MTRF1L: variants seen among roughly 807,000 people sequenced by gnomAD.
MTRF1L encodes peptide chain release factor 1-like, mitochondrial.
In MTRF1L, 29 loss-of-function variants were observed where a neutral mutation model predicts 40.0. The observed-to-expected ratio is 0.73, with a 90% CI of 0.54 to 0.99. The LOEUF (loss-of-function observed/expected upper bound fraction) is 0.99. Among genes scored for constraint, MTRF1L ranks in the 50% least tolerant of loss-of-function variants. MTRF1L has a pLI of 0.00. For synonymous variants in MTRF1L, 150 were observed against 175.8 expected (o/e 0.85, Z 1.16); for missense variants, 412 against 464.5 (o/e 0.89, Z 1.04).
At chr6:152,997,588 T>C (rs979811160) in intron 2 of MTRF1L, among the ~76,000 whole-genome samples, 2 of 152,088 alleles carry the variant, frequency 1.3e-5, no homozygotes, top group African/African-American at 4.8e-5. Context: ...GCAGACTGGC[T>C]AGGGGCAAAA....
chr6:152,995,087 A>G (rs1340530473), intron 3 of MTRF1L, 49 bp downstream of exon 3: 8 of 1,492,220 alleles, frequency 5.4e-6, no homozygotes, highest in Admixed American at 2.2e-5. Flanking sequence ...GGTCTTTCCA[A>G]CTCTTTTCCT....
rs34463753 is a variant in MTRF1L at position 152,991,175 on chromosome 6, CTT to C, written c.942+8_942+9del. On this transcript the variant is annotated splice_region_variant and intron_variant, in intron 6 of 6. Coordinates refer to ENST00000367233, the MANE Select transcript of MTRF1L (RefSeq NM_019041.7). ...ATCCTTTAAAAGCATTTTTAAAATT[CTT>C]TTTTTACCTGAATTTTTCTAGCATT... is the stretch of plus-strand genomic sequence containing the variant. 3 of 1,136,236 alleles carry C rather than the reference CTT, an allele frequency of 2.6e-6. No homozygotes were observed. In the South Asian group the frequency reaches 6.1e-5, roughly 23 times the overall value. 70.4% of individuals were successfully genotyped at this position (1,136,236 alleles called of 1,614,324 possible). A position where few individuals can be genotyped will look rare whatever the true frequency, so the allele number is the denominator to read the frequency against.
intron 1 of MTRF1L, among the ~76,000 whole-genome samples, chr6:152,999,372 G>A (rs993387222): frequency 4.6e-5 from 7 of 152,136 alleles, no homozygotes. Flanking sequence ...CAGTTTGTAT[G>A]CTTATCTATT....
chr6:152,994,545 T>C lies in MTRF1L; in HGVS notation c.655A>G (p.Met219Val). The C allele has an allele frequency of 2.5e-6, 4 of 1,612,012 alleles. No homozygotes were observed. Among genetic ancestry groups the C allele is most frequent in the Non-Finnish European group, 3.4e-6 (4 of 1,179,828 alleles). Residue 219 changes from methionine (M) to valine (V), a missense_variant, in exon 4 of 7, where the codon ATG becomes GTG. Transcript: ENST00000367233. The stretch of plus-strand genomic sequence containing the variant: ...GGCTGGGGTAATATTGCTACAGTCA[T>C]GGTGCTAGTATGGACGCGGCCTTGC... ...EKQGRVHTSTMTVAILPQPTE... is the reference protein window; with the variant it reads ...EKQGRVHTSTVTVAILPQPTE...
chr6:153,002,292 C>T (rs1467609821), intron 1 of MTRF1L, 135 bp downstream of exon 1: 2 of 1,339,068 alleles, frequency 1.5e-6, no homozygotes, highest in African/African-American at 1.5e-5. Flanking sequence ...GTAATGATGT[C>T]CTGACCTCTG....
At position 153,002,612 on chromosome 6, in the gene MTRF1L, G is replaced by A. The variant is rs977058410; in HGVS notation, c.74C>T (p.Pro25Leu). ...CAGCGGCGGGCTACCGGAGCTCAGG[G>A]GCCGGCGGGCTGGGCCAACGGCCCG... ...PRRAVGPARRPLSSGSPPLEE... is the reference protein window; with the variant it reads ...PRRAVGPARRLLSSGSPPLEE... Residue 25 changes from proline (P) to leucine (L), a missense_variant, in exon 1 of 7, where the codon CCC (proline) becomes CTC (leucine). By Grantham distance (98) the Pro-to-Leu change is moderately conservative. Coordinates refer to ENST00000367233, the MANE Select transcript of MTRF1L (RefSeq NM_019041.7). The A allele has an allele frequency of 6.5e-7, 1 of 1,542,310 alleles. No homozygotes were observed. The highest frequency in any genetic ancestry group is 1.4e-5 in the African/African-American group (1 of 72,672).
intron 2 of MTRF1L, among the ~76,000 whole-genome samples, chr6:152,996,357 T>C (rs60862680): frequency 0.32 from 48,589 of 151,998 alleles, 8,083 homozygotes; most frequent in African/African-American, 0.42. Context: ...ATAATGGATT[T>C]TACTTCTGTT....
rs1248966098 is a variant in MTRF1L at position 152,989,394 on chromosome 6, TG to T, written c.*500del. 2 of 104,354 alleles carry T rather than the reference TG, an allele frequency of 1.9e-5. No homozygotes were observed. The highest frequency in any genetic ancestry group is 3.7e-5 in the Non-Finnish European group (2 of 54,020). The allele number at this position is 104,354 out of a possible 1,614,324, so 6.5% of individuals were successfully genotyped here. A position where few individuals can be genotyped will look rare whatever the true frequency, so the allele number is the denominator to read the frequency against. ...TATTTACACAGAACAGGACAAAGGA[TG>T]ATTTTCCTTTGTCTAGTTATTGTAA... On this transcript the variant is annotated 3_prime_UTR_variant, in exon 7 of 7. Transcript: ENST00000367233.
chr6:153,002,263 G>C (rs892192475), intron 1 of MTRF1L, among the ~76,000 whole-genome samples, 164 bp downstream of exon 1: 1 of 152,228 alleles, frequency 6.6e-6, no homozygotes, highest in African/African-American at 2.4e-5. Flanking sequence ...GCCCACAGGA[G>C]AGGATGGGAT....
chr6:152,994,426 C>T (rs3799136), intron 4 of MTRF1L, 87 bp downstream of exon 4: 13,580 of 1,338,198 alleles, frequency 0.01, 496 homozygotes, highest in South Asian at 0.09. Context: ...CAAATAGATA[C>T]TCAATTCAGT....
Sources: allele counts gnomAD v4.1 joint callset (sites outside exome capture counted in the v4.1 genomes callset), GRCh38; gene constraint gnomAD v4.1.1; transcripts MANE v1.5; gene names NCBI Gene and HGNC (gene_info 2026-07-23, HGNC 2026-07-21).